The following EPHB1 variants were observed in gnomAD, a reference collection of about 807,000 sequenced individuals.
The protein encoded by EPHB1 is ephrin type-B receptor 1.
EPHB1 carries 30 observed loss-of-function variants against 94.4 expected under a neutral mutation model. That is an observed-to-expected ratio of 0.32 (90% CI 0.24 to 0.43). EPHB1 has a LOEUF of 0.43. Among genes scored for constraint, EPHB1 ranks in the 20% least tolerant of loss-of-function variants. EPHB1 has a pLI of 1.00. For missense variants in EPHB1, 1,055 were observed against 1,308.3 expected, an observed-to-expected ratio of 0.81 and a Z score of 2.99; for synonymous variants, 522 against 489.1, an observed-to-expected ratio of 1.07 and a Z score of -0.89.
At chr3:135,031,069 G>A (rs1379163375) in intron 3 of EPHB1, among the ~76,000 whole-genome samples, 6 of 152,214 alleles carry the variant, frequency 3.9e-5, no homozygotes, top group Middle Eastern at 3.4e-3. Flanking sequence ...GCAATGTCTC[G>A]CCCTGCTTTG....
intron 4 of EPHB1, among the ~76,000 whole-genome samples, chr3:135,117,124 T>C (rs1208055228): frequency 6.6e-6 from 1 of 152,182 alleles, no homozygotes; most frequent in African/African-American, 2.4e-5. Context: ...TAGGGATCTC[T>C]CCATAACTGG....
chr3:134,879,422 A>G (rs2037682924), intron 1 of EPHB1, among the ~76,000 whole-genome samples: 1 of 152,138 alleles, frequency 6.6e-6, no homozygotes, highest in Non-Finnish European at 1.5e-5. Flanking sequence ...GGATCGCTTA[A>G]GCTGAGGAGT....
At chr3:135,231,794 C>T (rs966493524) in intron 12 of EPHB1, among the ~76,000 whole-genome samples, 3 of 152,178 alleles carry the variant, frequency 2.0e-5, no homozygotes, top group Non-Finnish European at 4.4e-5. Context: ...GTTATGTGTG[C>T]CATTTGCATG....
intron 3 of EPHB1, among the ~76,000 whole-genome samples, chr3:135,048,259 C>CTTTTTTTTTTTTTTTTTTTTTTTTTT (rs34135757): frequency 1.8e-5 from 1 of 55,206 alleles, no homozygotes; most frequent in Admixed American, 2.5e-4. Context: ...TTTCTTTTTT[C>CTTTTTTTTTTTTTTTTTTTTTTTTTT]TTTTTTTTTT....
intron 3 of EPHB1, among the ~76,000 whole-genome samples, chr3:135,071,705 A>T (rs1937718332): frequency 6.6e-6 from 1 of 152,162 alleles, no homozygotes; most frequent in African/African-American, 2.4e-5. Context: ...CTGTACACTA[A>T]TGACTCCAAA....
chr3:134,973,842 G>A (rs1327565784), intron 3 of EPHB1, among the ~76,000 whole-genome samples: 4 of 152,150 alleles, frequency 2.6e-5, no homozygotes, highest in East Asian at 3.9e-4. Flanking sequence ...AAGCATTTCC[G>A]GAATACTCAA....
At chr3:135,024,820 T>A (rs1010848996) in intron 3 of EPHB1, among the ~76,000 whole-genome samples, 1 of 152,220 alleles carries the variant, frequency 6.6e-6, no homozygotes, top group Non-Finnish European at 1.5e-5. Context: ...ATGCTTAATG[T>A]GCTTTATTGA....
At chr3:134,889,934 TC>T (rs2037942762) in intron 1 of EPHB1, among the ~76,000 whole-genome samples, 1 of 152,152 alleles carries the variant, frequency 6.6e-6, no homozygotes, top group Non-Finnish European at 1.5e-5. Context: ...CACCTCAGCC[TC>T]CCAAAACTTA....
chr3:135,070,826 T>C (rs1937681256), intron 3 of EPHB1, among the ~76,000 whole-genome samples: 1 of 152,168 alleles, frequency 6.6e-6, no homozygotes, highest in South Asian at 2.1e-4. Flanking sequence ...ATGTGATGGA[T>C]GGTAGGGTCA....
At chr3:134,964,623 G>A (rs558350991) in intron 3 of EPHB1, among the ~76,000 whole-genome samples, 122 of 152,260 alleles carry the variant, frequency 8.0e-4, no homozygotes, top group African/African-American at 2.9e-3. Context: ...TTGGTTTCTG[G>A]GTCTGTCACA....
At chr3:134,841,669 T>A (rs1467671741) in intron 1 of EPHB1, 1 of 152,196 alleles carries the variant, frequency 6.6e-6, no homozygotes, top group Non-Finnish European at 1.5e-5. Flanking sequence ...TGAATTAGGC[T>A]CACAATCATT....
intron 9 of EPHB1, among the ~76,000 whole-genome samples, chr3:135,169,490 G>A (rs1160011316): frequency 6.6e-6 from 1 of 152,158 alleles, no homozygotes; most frequent in East Asian, 1.9e-4. Flanking sequence ...TCTAAACTCA[G>A]TCTCATGCAT....
At chr3:134,869,493 T>G (rs1266432574) in intron 1 of EPHB1, among the ~76,000 whole-genome samples, 3 of 152,132 alleles carry the variant, frequency 2.0e-5, no homozygotes, top group Non-Finnish European at 1.5e-5. Context: ...CGTGGGAGGG[T>G]TAAGTCTATG....
At chr3:135,187,724 C>G (rs1005883167) in intron 10 of EPHB1, among the ~76,000 whole-genome samples, 1 of 152,166 alleles carries the variant, frequency 6.6e-6, no homozygotes, top group Admixed American at 6.5e-5. Flanking sequence ...AAGACACCCT[C>G]CATGCTCAGG....
chr3:135,103,771 C>T (rs1315377479), intron 3 of EPHB1, among the ~76,000 whole-genome samples: 4 of 152,116 alleles, frequency 2.6e-5, no homozygotes, highest in South Asian at 2.1e-4. Flanking sequence ...TGGAACCTCT[C>T]TCTTCAACCA....
At chr3:135,102,554 T>C (rs1385925916) in intron 3 of EPHB1, among the ~76,000 whole-genome samples, 1 of 152,246 alleles carries the variant, frequency 6.6e-6, no homozygotes, top group Admixed American at 6.5e-5. Context: ...AGCCTGGCAC[T>C]TTCACCCTTG....
chr3:135,257,756 C>G (rs570493840), intron 15 of EPHB1, among the ~76,000 whole-genome samples: 18 of 149,050 alleles, frequency 1.2e-4, no homozygotes, highest in Admixed American at 1.3e-4. Context: ...TCGAGCTTCC[C>G]GGCTGCTTTG....
At chr3:135,188,201 A>G in intron 10 of EPHB1, among the ~76,000 whole-genome samples, 1 of 138,936 alleles carries the variant, frequency 7.2e-6, no homozygotes. Flanking sequence ...TGTCTAAAAA[A>G]ATAAATAAAT....
chr3:135,194,806 G>A (rs1942554965), intron 11 of EPHB1, among the ~76,000 whole-genome samples: 1 of 152,158 alleles, frequency 6.6e-6, no homozygotes, highest in East Asian at 1.9e-4. Context: ...ATGGGGTTAT[G>A]CTTTGTATTT....
Sources: gnomAD v4.1 joint callset for allele counts (sites outside exome capture counted in the v4.1 genomes callset) on GRCh38, gnomAD v4.1.1 for gene constraint, MANE v1.5 for transcripts, NCBI Gene and HGNC (gene_info 2026-07-23, HGNC 2026-07-21) for gene names.